Variants in FBXW11 observed in about 807,000 individuals in gnomAD.
FBXW11 encodes F-box and WD repeat domain containing 11.
Under a neutral mutation model 77.6 loss-of-function variants are expected in FBXW11, and 19 were observed. The observed-to-expected ratio is 0.24, with a 90% CI of 0.17 to 0.36. FBXW11 has a LOEUF of 0.36. Ranked by LOEUF, FBXW11 falls within the 10% of genes least tolerant of loss-of-function variation. The probability of loss-of-function intolerance (pLI) is 1.00; values close to 1 mark genes in which losing one functional copy is unlikely to be tolerated. For synonymous variants in FBXW11, 235 were observed against 249.4 expected, an observed-to-expected ratio of 0.94 and a Z score of 0.54; for missense variants, 334 against 704.2, an observed-to-expected ratio of 0.47 and a Z score of 5.95.
chr5:171,913,824 C>CACACACACACACAT lies in FBXW11; in HGVS notation c.210+518_210+519insATGTGTGTGTGTGT, dbSNP rs1561677678. Among the ~76,000 whole-genome samples, 520 of 102,894 alleles carry CACACACACACACAT rather than the reference C, an allele frequency of 5.1e-3. 20 individuals carry two copies. The highest frequency in any genetic ancestry group is 0.017 in the Admixed American group (167 of 9,692). 67.5% of individuals were successfully genotyped at this position (102,894 alleles called of 152,430 possible). ...ACCCCCAACCACACACACATACACA[C>CACACACACACACAT]ACACACACACACACACACACACACA... On this transcript the variant is annotated intron_variant, in intron 3 of 13. Coordinates refer to ENST00000517395, the MANE Select transcript of FBXW11 (RefSeq NM_001378974.1).
At chr5:171,891,656 T>C (rs879816052) in intron 6 of FBXW11, 52 bp from the exon 7 acceptor site, 3 of 1,577,380 alleles carry the variant, frequency 1.9e-6, no homozygotes, top group Non-Finnish European at 2.6e-6. Flanking sequence ...ACTTACTCTA[T>C]TAGGTTTCAG....
At chr5:172,004,260 C>G (rs1250904727) in intron 1 of FBXW11, among the ~76,000 whole-genome samples, 1 of 152,162 alleles carries the variant, frequency 6.6e-6, no homozygotes, top group Non-Finnish European at 1.5e-5. Flanking sequence ...TAAGGGTTGT[C>G]TAAGAGTCTT....
rs144655895 is a variant in FBXW11, at chr5:171,997,394, C to T, written c.45+9064G>A. Reference sequence around the variant, plus strand: ...ATTCAGCTACACTGAACTTCCTTATCCATTTTCTAAGACAGCTCCTCCACC... The same window carrying T: ...ATTCAGCTACACTGAACTTCCTTATTCATTTTCTAAGACAGCTCCTCCACC... On this transcript the variant is annotated intron_variant, in intron 1 of 13. Transcript: ENST00000517395. Among the ~76,000 whole-genome samples the T allele has an allele frequency of 3.9e-4, 60 of 152,324 alleles. No homozygotes were observed. In the East Asian group the frequency reaches 9.3e-3, roughly 24 times the overall value.
rs138431628 is a variant in FBXW11, at chr5:171,990,971, G to A, written c.45+15487C>T. ...CTCCCAAGTAGCTGGGATTACAGGC[G>A]CATGCCACCACGCTTGGCTAATTTT... On this transcript the variant is annotated intron_variant, in intron 1 of 13. Transcript: ENST00000517395. 5.8e-3 allele frequency among the ~76,000 whole-genome samples: 876 copies of A among 152,140 alleles called. 9 individuals are homozygous for A. The highest frequency in any genetic ancestry group is 0.02 in the African/African-American group (829 of 41,500).
chr5:171,943,353 T>C (rs1762843486), intron 2 of FBXW11, among the ~76,000 whole-genome samples: 1 of 152,230 alleles, frequency 6.6e-6, no homozygotes, highest in African/African-American at 2.4e-5. Context: ...GATCTGAATT[T>C]TGAAATCTAG....
intron 2 of FBXW11, among the ~76,000 whole-genome samples, chr5:171,925,483 T>G (rs1761841188): frequency 6.6e-6 from 1 of 152,118 alleles, no homozygotes; most frequent in South Asian, 2.1e-4. Context: ...GTTTTTCGTT[T>G]TGTTTTATTT....
At chr5:171,977,190 A>G (rs531050583) in intron 1 of FBXW11, among the ~76,000 whole-genome samples, 21 of 151,976 alleles carry the variant, frequency 1.4e-4, no homozygotes, top group African/African-American at 5.1e-4. Flanking sequence ...AAATTTAAAA[A>G]TTAGTCGGGT....
intron 6 of FBXW11, among the ~76,000 whole-genome samples, chr5:171,895,730 G>A (rs1299284581): frequency 6.6e-6 from 1 of 152,220 alleles, no homozygotes; most frequent in East Asian, 1.9e-4. Flanking sequence ...TTTGAAGTAA[G>A]AATCTCAGCT....
intron 2 of FBXW11, among the ~76,000 whole-genome samples, chr5:171,917,766 C>CTGTGTG (rs60601173): frequency 0.091 from 13,384 of 147,480 alleles, 752 homozygotes; most frequent in Admixed American, 0.19. Context: ...TAGACTCACT[C>CTGTGTG]TGTGTGTGTG....
chr5:171,907,102 C>T (rs1760578935), intron 4 of FBXW11, among the ~76,000 whole-genome samples: 1 of 152,278 alleles, frequency 6.6e-6, no homozygotes, highest in Admixed American at 6.5e-5. Context: ...GCAAACTCAG[C>T]CTGCAGAAAT....
intron 3 of FBXW11, among the ~76,000 whole-genome samples, chr5:171,910,998 A>G (rs1174362901): frequency 6.6e-6 from 1 of 152,076 alleles, no homozygotes; most frequent in East Asian, 1.9e-4. Flanking sequence ...ACTACAGGAA[A>G]TGCCAAAATT....
chr5:171,923,909 C>CTTTTTTTT (rs70982354), intron 2 of FBXW11, among the ~76,000 whole-genome samples: 5 of 49,132 alleles, frequency 1.0e-4, no homozygotes, highest in African/African-American at 3.6e-4. Flanking sequence ...GAAACCCCAC[C>CTTTTTTTT]TTTTTTTTTT....
intron 2 of FBXW11, among the ~76,000 whole-genome samples, chr5:171,953,140 T>C (rs1034194594): frequency 1.3e-5 from 2 of 152,184 alleles, no homozygotes; most frequent in African/African-American, 2.4e-5. Context: ...CACCTAATTT[T>C]TTATTTTGTT....
At chr5:171,995,589 T>C (rs899959016) in intron 1 of FBXW11, among the ~76,000 whole-genome samples, 1 of 151,824 alleles carries the variant, frequency 6.6e-6, no homozygotes, top group Admixed American at 6.6e-5. Context: ...CCATCTCTAC[T>C]AAAAATACAA....
At chr5:171,886,206 A>T (rs912512824) in intron 7 of FBXW11, among the ~76,000 whole-genome samples, 3 of 152,250 alleles carry the variant, frequency 2.0e-5, no homozygotes, top group Admixed American at 2.0e-4. Flanking sequence ...TCCAACAATG[A>T]TAGACTGGAT....
intron 2 of FBXW11, among the ~76,000 whole-genome samples, chr5:171,938,815 T>C (rs910186627): frequency 6.6e-6 from 1 of 152,198 alleles, no homozygotes; most frequent in African/African-American, 2.4e-5. Context: ...CAGAGTACTA[T>C]GCAGCCATAA....
intron 7 of FBXW11, among the ~76,000 whole-genome samples, chr5:171,882,925 T>C (rs1758620393): frequency 6.6e-6 from 1 of 152,126 alleles, no homozygotes; most frequent in Non-Finnish European, 1.5e-5. Flanking sequence ...TAGTCTTCTA[T>C]CCCTTGCCCC....
intron 6 of FBXW11, among the ~76,000 whole-genome samples, chr5:171,892,960 G>A (rs576660259): frequency 6.6e-6 from 1 of 152,302 alleles, no homozygotes; most frequent in African/African-American, 2.4e-5. Context: ...TTTGAAGATA[G>A]TATCCTTCTG....
intron 2 of FBXW11, among the ~76,000 whole-genome samples, chr5:171,954,153 T>C (rs1449638316): frequency 6.6e-6 from 1 of 152,222 alleles, no homozygotes; most frequent in Non-Finnish European, 1.5e-5. Flanking sequence ...TGCTGCTGTG[T>C]TGGCTTTAAA....
Sources: gnomAD v4.1 joint callset for allele counts (sites outside exome capture counted in the v4.1 genomes callset) on GRCh38, gnomAD v4.1.1 for gene constraint, MANE v1.5 for transcripts, NCBI Gene and HGNC (gene_info 2026-07-23, HGNC 2026-07-21) for gene names.